Variants in HRK observed in about 807,000 individuals in gnomAD.
The protein encoded by HRK is activator of apoptosis harakiri.
Under a neutral mutation model 5.9 loss-of-function variants are expected in HRK, and 6 were observed. The ratio of observed to expected loss-of-function variants is 1.02; its 90% CI spans 0.56 to 2.01. The LOEUF (loss-of-function observed/expected upper bound fraction) is 2.01, where lower values mean the gene tolerates loss of function less well. HRK is among the 30% of genes most tolerant of loss of function. The probability of loss-of-function intolerance (pLI) is 0.00; values close to 1 mark genes in which losing one functional copy is unlikely to be tolerated. For synonymous variants in HRK, 85 were observed against 65.1 expected (o/e 1.31, Z -1.47); for missense variants, 133 against 128.3 (o/e 1.04, Z -0.18).
chr12:116,871,792 AATTT>A (rs1424714699), intron 1 of HRK, among the ~76,000 whole-genome samples: 8 of 151,414 alleles, frequency 5.3e-5, no homozygotes, highest in Non-Finnish European at 1.0e-4. Flanking sequence ...ATGCTTGGCT[AATTT>A]TTCTTTTTTC....
In HRK at chr12:116,862,674, A is replaced by G. The variant is rs529040486; in HGVS notation, c.*57-1208T>C. Among the ~76,000 whole-genome samples, 2 of 152,266 alleles carry G rather than the reference A, an allele frequency of 1.3e-5. No individual in the cohort carries two copies. Among genetic ancestry groups the G allele is most frequent in the East Asian group, 3.9e-4 (2 of 5,172 alleles). ...CTGCAAAATTCTATGTATACTCCTCATCATTGACTTGTACACCTTAAAAAG... is the reference window on the plus strand; with the variant it reads ...CTGCAAAATTCTATGTATACTCCTCGTCATTGACTTGTACACCTTAAAAAG... On this transcript the variant is annotated intron_variant, in intron 1 of 1. Coordinates refer to ENST00000257572, the MANE Select transcript of HRK (RefSeq NM_003806.4). The surrounding 1 kb of genome is among the most constrained non-coding windows in gnomAD (Gnocchi z 4.0).
At chr12:116,861,926 T>G (rs1161437371) in intron 1 of HRK, among the ~76,000 whole-genome samples, 5 of 152,212 alleles carry the variant, frequency 3.3e-5, no homozygotes, top group Non-Finnish European at 7.3e-5. Context: ...TCCATTCACT[T>G]ATTCCCAAGT....
intron 1 of HRK, among the ~76,000 whole-genome samples, chr12:116,868,144 T>C (rs1451805079): frequency 1.3e-5 from 2 of 148,858 alleles, no homozygotes; most frequent in Non-Finnish European, 3.0e-5. Flanking sequence ...TTTTTTTTTA[T>C]GGGATCTCAC....
chr12:116,867,519 G>A (rs1325188504), intron 1 of HRK: 1 of 152,136 alleles, frequency 6.6e-6, no homozygotes, highest in Non-Finnish European at 1.5e-5. Context: ...GAGGTAGGAA[G>A]ATCACATAAG....
chr12:116,858,438 G>A lies in HRK; in HGVS notation c.*3085C>T, dbSNP rs1003926915. 1 of 151,950 alleles carries A rather than the reference G, an allele frequency of 6.6e-6. No homozygotes were observed. The highest frequency in any genetic ancestry group is 2.4e-5 in the African/African-American group (1 of 41,374). The allele number at this position is 151,950 out of a possible 1,614,324, so 9.4% of individuals were successfully genotyped here. On this transcript the variant is annotated 3_prime_UTR_variant, in exon 2 of 2. Transcript: ENST00000257572. The stretch of plus-strand genomic sequence containing the variant: ...GAGTGTTGAAGTCCCGGGGGCTCCA[G>A]TCCCAGCGGTTCCTGGCTCCCCACT...
intron 1 of HRK, among the ~76,000 whole-genome samples, chr12:116,873,471 G>T (rs533486896): frequency 2.9e-5 from 4 of 139,898 alleles, no homozygotes; most frequent in African/African-American, 4.9e-5. Context: ...CTGGGCTCAA[G>T]CAATCCTCCT....
intron 1 of HRK, among the ~76,000 whole-genome samples, chr12:116,874,246 T>C (rs918479440): frequency 1.3e-5 from 2 of 152,214 alleles, no homozygotes; most frequent in African/African-American, 4.8e-5. Context: ...CAAGCTACAC[T>C]GCTTGTTTTT....
Position 116,858,107 on chromosome 12 carries a change from T to G in HRK, c.*3416A>C, listed in dbSNP as rs1593001320. 1.3e-5 allele frequency: 1 copy of G among 78,106 alleles called. No homozygotes were observed. The allele number at this position is 78,106 out of a possible 1,614,324, so 4.8% of individuals were successfully genotyped here. On this transcript the variant is annotated 3_prime_UTR_variant, in exon 2 of 2. Coordinates refer to ENST00000257572, the MANE Select transcript of HRK (RefSeq NM_003806.4). The stretch of plus-strand genomic sequence containing the variant: ...GGAAAAGAAGTCCCCAGTATCCAAA[T>G]GAAGGCGGCTAAAAAAAAAAAAAAA...
At chr12:116,867,489 T>G (rs529292106) in intron 1 of HRK, among the ~76,000 whole-genome samples, 18 of 152,220 alleles carry the variant, frequency 1.2e-4, no homozygotes, top group African/African-American at 4.3e-4. Flanking sequence ...ATGTCTATAG[T>G]CCCAGCTACT....
chr12:116,871,598 C>G (rs1878750743), intron 1 of HRK, among the ~76,000 whole-genome samples: 1 of 126,122 alleles, frequency 7.9e-6, no homozygotes, highest in Non-Finnish European at 1.6e-5. Context: ...GCCACCGTGC[C>G]CAGCCAAAAA....
chr12:116,857,419 C>T lies in HRK; in HGVS notation c.*4104G>A, dbSNP rs1421573437. 1 of 152,210 alleles carries T rather than the reference C, an allele frequency of 6.6e-6. No homozygotes were observed. Among genetic ancestry groups the T allele is most frequent in the African/African-American group, 2.4e-5 (1 of 41,456 alleles). 9.4% of individuals were successfully genotyped at this position (152,210 alleles called of 1,614,324 possible). On this transcript the variant is annotated 3_prime_UTR_variant, in exon 2 of 2. Coordinates refer to ENST00000257572, the MANE Select transcript of HRK (RefSeq NM_003806.4). Reference sequence around the variant, plus strand: ...GAGTGTCTAGCTGGTCCCCCAAACCCTTAACCAACTTCTGACCTTCAGAAA... The same window carrying T: ...GAGTGTCTAGCTGGTCCCCCAAACCTTTAACCAACTTCTGACCTTCAGAAA...
At chr12:116,861,774 AAAG>A (rs1208165634) in intron 1 of HRK, among the ~76,000 whole-genome samples, 1 of 152,362 alleles carries the variant, frequency 6.6e-6, no homozygotes, top group East Asian at 1.9e-4. Flanking sequence ...ATGTTTTTAA[AAAG>A]AAGAATCTAG....
rs1879144834 is a variant in HRK at position 116,881,243 on chromosome 12, C to A, written c.65G>T (p.Arg22Leu). ...PPAVCACSAG[R>L]LGLRSSAAQL... ...CGCGGCGGACGAGCGCAGCCCCAGGCGACCCGCGCTGCAGGCGCACACGGC... is the reference window on the plus strand; with the variant it reads ...CGCGGCGGACGAGCGCAGCCCCAGGAGACCCGCGCTGCAGGCGCACACGGC... Residue 22 changes from arginine to leucine, a missense_variant, in exon 1 of 2, where the codon CGC (arginine) becomes CTC (leucine). Coordinates refer to ENST00000257572, the MANE Select transcript of HRK (RefSeq NM_003806.4). 1 of 1,099,372 alleles carries A rather than the reference C, an allele frequency of 9.1e-7. No individual in the cohort carries two copies. Among genetic ancestry groups the A allele is most frequent in the Non-Finnish European group, 1.1e-6 (1 of 905,242 alleles). The allele number at this position is 1,099,372 out of a possible 1,614,324, so 68.1% of individuals were successfully genotyped here.
rs1421674249 is a variant in HRK at position 116,863,816 on chromosome 12, A to G, written c.*57-2350T>C. ...TGAGCTCAAGCGATCCTCCCACCTC[A>G]GCCTCTAGCTGGGACTATCGGCATG... On this transcript the variant is annotated intron_variant, in intron 1 of 1. Transcript: ENST00000257572. Among the ~76,000 whole-genome samples the G allele has an allele frequency of 2.0e-5, 3 of 151,724 alleles. No individual in the cohort carries two copies. The East Asian group carries it at 5.8e-4, about 29-fold the overall frequency.
intron 1 of HRK, among the ~76,000 whole-genome samples, chr12:116,864,212 AC>A (rs1367351315): frequency 6.6e-6 from 1 of 152,222 alleles, no homozygotes; most frequent in Non-Finnish European, 1.5e-5. Flanking sequence ...AGTCAGTGTA[AC>A]CCTGCAGCAT....
At chr12:116,870,964 G>A (rs1461684837) in intron 1 of HRK, among the ~76,000 whole-genome samples, 2 of 152,242 alleles carry the variant, frequency 1.3e-5, no homozygotes, top group African/African-American at 4.8e-5. Context: ...TGTCGCTCAA[G>A]CTGGAGTGCA....
Position 116,862,289 on chromosome 12 carries a change from ATCC to A in HRK, c.*57-826_*57-824del, listed in dbSNP as rs1402719795. 2.6e-5 allele frequency among the ~76,000 whole-genome samples: 4 copies of A among 152,238 alleles called. No individual in the cohort carries two copies. Among genetic ancestry groups the A allele is most frequent in the Admixed American group, 2.6e-4 (4 of 15,286 alleles). ...GTGCACAAATGCTCATGGCAGAATT[ATCC>A]ATAATAGCAAAATACGGAAACAACC... On this transcript the variant is annotated intron_variant, in intron 1 of 1. Transcript: ENST00000257572. This position sits in a 1 kb window ranked among gnomAD's most constrained non-coding sequence, Gnocchi z 4.0.
Position 116,881,140 on chromosome 12 carries a change from G to A in HRK, c.168C>T (p.Ser56=), listed in dbSNP as rs929616287. 19 of 1,195,832 alleles carry A rather than the reference G, an allele frequency of 1.6e-5. No individual in the cohort carries two copies. In the African/African-American group the frequency reaches 2.7e-4, roughly 17 times the overall value. 74.1% of individuals were successfully genotyped at this position (1,195,832 alleles called of 1,614,324 possible). A position where few individuals can be genotyped will look rare whatever the true frequency, so the allele number is the denominator to read the frequency against. Residue 56 remains serine, a synonymous_variant, in exon 1 of 2, where the codon AGC becomes AGT. Coordinates refer to ENST00000257572, the MANE Select transcript of HRK (RefSeq NM_003806.4). ...QRTMWRRRAR[S]RRAPAPGALP... ...GCGCGCCGGGCGCCGGCGCCCTCCG[G>A]CTCCGCGCGCGGCGCCGCCACATGG...
rs1271054237 is a variant in HRK, at chr12:116,857,275, A to G, written c.*4248T>C. On this transcript the variant is annotated 3_prime_UTR_variant, in exon 2 of 2. Coordinates refer to ENST00000257572, the MANE Select transcript of HRK (RefSeq NM_003806.4). ...CACATTGTAGATGCTCAATCAATATATGCTAAATGAATGAATGAGAATTTA... is the reference window on the plus strand; with the variant it reads ...CACATTGTAGATGCTCAATCAATATGTGCTAAATGAATGAATGAGAATTTA... 1 of 152,232 alleles carries G rather than the reference A, an allele frequency of 6.6e-6. No homozygotes were observed. The highest frequency in any genetic ancestry group is 1.5e-5 in the Non-Finnish European group (1 of 68,040). 9.4% of individuals were successfully genotyped at this position (152,232 alleles called of 1,614,324 possible). A position where few individuals can be genotyped will look rare whatever the true frequency, so the allele number is the denominator to read the frequency against.
Sources: gnomAD v4.1 joint callset for allele counts (sites outside exome capture counted in the v4.1 genomes callset) on GRCh38, gnomAD v4.1.1 for gene constraint, Gnocchi (gnomAD v3.1) non-coding constraint, MANE v1.5 for transcripts, NCBI Gene and HGNC (gene_info 2026-07-23, HGNC 2026-07-21) for gene names.